Variants in RNF38 observed in about 807,000 individuals in gnomAD.
RNF38 encodes the protein E3 ubiquitin-protein ligase RNF38.
RNF38 carries 15 observed loss-of-function variants against 67.2 expected under a neutral mutation model. That is an observed-to-expected ratio of 0.22 (90% CI 0.15 to 0.34). The LOEUF is 0.34. Among genes scored for constraint, RNF38 ranks in the 10% least tolerant of loss-of-function variants. The pLI is 1.00. For missense variants in RNF38, 524 were observed against 639.9 expected, an observed-to-expected ratio of 0.82 and a Z score of 1.95; for synonymous variants, 220 against 218.8, an observed-to-expected ratio of 1.01 and a Z score of -0.05.
intron 9 of RNF38, among the ~76,000 whole-genome samples, chr9:36,347,170 G>T: frequency 7.8e-6 from 1 of 128,660 alleles, no homozygotes. Flanking sequence ...CCAAATTGAT[G>T]GTGATTACAA....
At position 36,352,811 on chromosome 9, in the gene RNF38, C is replaced by T. The variant is rs764664820; in HGVS notation, c.1109G>A (p.Arg370His). Reference protein sequence around the residue: ...PPFMPRRLTGRSRYRSQQPIP... With the variant: ...PPFMPRRLTGHSRYRSQQPIP... The stretch of plus-strand genomic sequence containing the variant: ...TGGCTGCTGGGATCGGTATCTACTA[C>T]GTCCTGTAAGCCTCCGAGGCATAAA... Residue 370 changes from arginine to histidine, a missense_variant, in exon 8 of 12, where the codon CGT becomes CAT. Physicochemically the swap from Arg to His is conservative, Grantham distance 29. Transcript: ENST00000259605. 16 of 1,613,788 alleles carry T rather than the reference C, an allele frequency of 9.9e-6. No homozygotes were observed. The highest frequency in any genetic ancestry group is 4.0e-5 in the African/African-American group (3 of 74,874).
chr9:36,487,575 C>A (rs540804940), upstream of RNF38: 12 of 980,740 alleles, frequency 1.2e-5, no homozygotes, highest in Admixed American at 6.3e-5. Context: ...GGGCCGCGAG[C>A]AGCGGCTCCG....
intron 1 of RNF38, among the ~76,000 whole-genome samples, chr9:36,391,735 T>C (rs1196098637): frequency 6.6e-6 from 1 of 151,488 alleles, no homozygotes; most frequent in African/African-American, 2.4e-5. Flanking sequence ...TGCCTCAGCC[T>C]GCAGAGTAGC....
chr9:36,460,885 C>CAAAAAAAA (rs752827635), intron 1 of RNF38, among the ~76,000 whole-genome samples: 43 of 52,608 alleles, frequency 8.2e-4, no homozygotes, highest in Admixed American at 1.0e-3. Flanking sequence ...GAAACTCTCT[C>CAAAAAAAA]AAAAAAAAAA....
chr9:36,411,224 C>T (rs1258414826), intron 2 of RNF38, among the ~76,000 whole-genome samples: 1 of 148,112 alleles, frequency 6.8e-6, no homozygotes, highest in Non-Finnish European at 1.5e-5. Context: ...CACCATCTCA[C>T]ACTCATTAGG....
intron 1 of RNF38, among the ~76,000 whole-genome samples, chr9:36,465,151 A>C (rs895176332): frequency 6.6e-6 from 1 of 152,192 alleles, no homozygotes; most frequent in African/African-American, 2.4e-5. Flanking sequence ...ACCCTCGTAC[A>C]CTGCTGGTGG....
intron 1 of RNF38, among the ~76,000 whole-genome samples, chr9:36,426,520 A>T (rs1457527206): frequency 6.6e-6 from 1 of 152,208 alleles, no homozygotes; most frequent in Non-Finnish European, 1.5e-5. Flanking sequence ...TGGCTAAATA[A>T]TATTCCAGTA....
At chr9:36,388,377 C>A (rs573666894) in intron 2 of RNF38, among the ~76,000 whole-genome samples, 1 of 152,034 alleles carries the variant, frequency 6.6e-6, no homozygotes, top group East Asian at 1.9e-4. Context: ...AAAAAGAAGT[C>A]TTGACTAGGA....
chr9:36,458,872 T>C, intron 1 of RNF38, among the ~76,000 whole-genome samples: 1 of 152,118 alleles, frequency 6.6e-6, no homozygotes, highest in South Asian at 2.1e-4. Flanking sequence ...TATCGCCACA[T>C]TTGGTGTCTT....
intron 1 of RNF38, among the ~76,000 whole-genome samples, chr9:36,443,405 A>T (rs1277936681): frequency 6.6e-6 from 1 of 152,270 alleles, no homozygotes; most frequent in African/African-American, 2.4e-5. Flanking sequence ...ATATTAAAGC[A>T]ATGGCTGAAA....
intron 2 of RNF38, among the ~76,000 whole-genome samples, chr9:36,423,767 G>A (rs1180713138): frequency 7.2e-5 from 3 of 41,790 alleles, no homozygotes; most frequent in Admixed American, 1.8e-4. Flanking sequence ...GGCTAACACG[G>A]TGAAACCCCG....
At chr9:36,476,518 T>C (rs1840123668) in intron 1 of RNF38, among the ~76,000 whole-genome samples, 1 of 125,874 alleles carries the variant, frequency 7.9e-6, no homozygotes, top group Non-Finnish European at 1.6e-5. Flanking sequence ...TATCGGGCAA[T>C]CTTTTTTTTT....
intron 2 of RNF38, among the ~76,000 whole-genome samples, chr9:36,387,903 G>A (rs1398437966): frequency 1.3e-5 from 2 of 151,610 alleles, no homozygotes; most frequent in Non-Finnish European, 2.9e-5. Flanking sequence ...AAAAAAACAG[G>A]AAACTACCCA....
intron 1 of RNF38, among the ~76,000 whole-genome samples, chr9:36,477,549 C>G (rs1432462414): frequency 1.3e-5 from 2 of 151,754 alleles, no homozygotes; most frequent in Admixed American, 6.6e-5. Flanking sequence ...TGGCCGGGTA[C>G]TGTGGCTCAC....
At chr9:36,414,647 T>C (rs919719285) in intron 2 of RNF38, among the ~76,000 whole-genome samples, 11 of 150,120 alleles carry the variant, frequency 7.3e-5, no homozygotes, top group African/African-American at 2.5e-4. Flanking sequence ...GATCGCACCA[T>C]TGCACTCCAG....
chr9:36,467,068 A>G (rs1223889306), intron 1 of RNF38, among the ~76,000 whole-genome samples: 1 of 135,856 alleles, frequency 7.4e-6, no homozygotes, highest in Non-Finnish European at 1.6e-5. Context: ...AATCCCTGCT[A>G]CTCAGGAGGC....
intron 1 of RNF38, among the ~76,000 whole-genome samples, chr9:36,474,866 G>A (rs1048332997): frequency 2.0e-5 from 3 of 148,002 alleles, no homozygotes; most frequent in Admixed American, 6.8e-5. Context: ...ACAGGGCCGG[G>A]CGCGGTGCCT....
chr9:36,344,307 G>A (rs755953770), intron 10 of RNF38, among the ~76,000 whole-genome samples: 17 of 152,248 alleles, frequency 1.1e-4, no homozygotes, highest in African/African-American at 2.4e-4. Flanking sequence ...GAGCCACTGC[G>A]CCCGGCCTGA....
At chr9:36,399,370 G>T (rs1837807526) in intron 1 of RNF38, among the ~76,000 whole-genome samples, 1 of 151,760 alleles carries the variant, frequency 6.6e-6, no homozygotes, top group African/African-American at 2.4e-5. Flanking sequence ...AGGCGCTAAG[G>T]CCTTCAAATC....
Sources: gnomAD v4.1 joint callset for allele counts (sites outside exome capture counted in the v4.1 genomes callset) on GRCh38, gnomAD v4.1.1 for gene constraint, MANE v1.5 for transcripts, NCBI Gene and HGNC (gene_info 2026-07-23, HGNC 2026-07-21) for gene names.